PHF14: variants seen among roughly 807,000 people sequenced by gnomAD.
The protein encoded by PHF14 is PHD finger protein 14.
A neutral mutation model predicts 117.9 loss-of-function variants in PHF14; 55 were observed. That is an observed-to-expected ratio of 0.47 (90% CI 0.38 to 0.58). The LOEUF (loss-of-function observed/expected upper bound fraction) is 0.58. PHF14 is among the 20% of genes least tolerant of loss of function. The pLI is 0.00. For synonymous variants in PHF14, 409 were observed against 368.6 expected (o/e 1.11, Z -1.26); for missense variants, 978 against 1,122.2 (o/e 0.87, Z 1.84).
At chr7:11,166,805 G>T (rs973320247) in intron 17 of PHF14, among the ~76,000 whole-genome samples, 33 of 152,262 alleles carry the variant, frequency 2.2e-4, no homozygotes, top group South Asian at 1.2e-3. Context: ...TAAAAGGCAA[G>T]ATGTTTTAAG....
At chr7:10,996,975 G>C (rs896782668) in intron 4 of PHF14, among the ~76,000 whole-genome samples, 1 of 152,226 alleles carries the variant, frequency 6.6e-6, no homozygotes, top group Middle Eastern at 3.4e-3. Context: ...ATCACCAATG[G>C]GTGGCCAAAT....
At position 11,050,822 on chromosome 7, in the gene PHF14, A is replaced by G. The variant is rs969525377; in HGVS notation, c.2313-790A>G. On this transcript the variant is annotated intron_variant, in intron 13 of 17. Coordinates refer to ENST00000634607, the MANE Select transcript of PHF14 (RefSeq NM_001007157.2). ...GTATATTTCTTCTTTTAGAAGTAGT[A>G]GGGGCCACCAAATAATATGACCTTT... is the stretch of plus-strand genomic sequence containing the variant. Among the ~76,000 whole-genome samples, 10 of 152,300 alleles carry G rather than the reference A, an allele frequency of 6.6e-5. No homozygotes were observed. The East Asian group carries it at 1.7e-3, about 26-fold the overall frequency.
At chr7:10,982,345 G>T (rs779557530) in intron 2 of PHF14, 27 bp from the exon 3 acceptor site, 101 of 1,316,904 alleles carry the variant, frequency 7.7e-5, no homozygotes, top group Non-Finnish European at 8.8e-5. Context: ...CATATGTGTG[G>T]TTTTTTTTTT....
intron 17 of PHF14, among the ~76,000 whole-genome samples, chr7:11,150,233 C>T (rs540432073): frequency 1.4e-4 from 21 of 152,036 alleles, no homozygotes; most frequent in Non-Finnish European, 2.4e-4. Context: ...AGCTACAATA[C>T]GCATTAGAAT....
At chr7:11,076,810 C>A (rs562492793) in intron 16 of PHF14, among the ~76,000 whole-genome samples, 1 of 151,238 alleles carries the variant, frequency 6.6e-6, no homozygotes, top group Non-Finnish European at 1.5e-5. Context: ...TCAAGCAATC[C>A]GCCTGCCTTG....
intron 17 of PHF14, among the ~76,000 whole-genome samples, chr7:11,159,907 TA>T (rs1183391858): frequency 6.6e-6 from 1 of 152,176 alleles, no homozygotes; most frequent in Admixed American, 6.5e-5. Context: ...ATCAACTTAA[TA>T]AAAAGGTTTT....
intron 4 of PHF14, among the ~76,000 whole-genome samples, chr7:11,004,162 G>C (rs796262051): frequency 6.7e-6 from 1 of 148,724 alleles, no homozygotes; most frequent in African/African-American, 2.5e-5. Flanking sequence ...GCAGAGGATC[G>C]CTTGAGCCAG....
intron 6 of PHF14, among the ~76,000 whole-genome samples, chr7:11,024,737 C>T (rs1479289215): frequency 6.6e-6 from 1 of 152,178 alleles, no homozygotes; most frequent in African/African-American, 2.4e-5. Context: ...AGATTCCTTT[C>T]AAAAGATTAC....
At chr7:11,054,493 G>T (rs1359641170) in intron 14 of PHF14, among the ~76,000 whole-genome samples, 2 of 152,042 alleles carry the variant, frequency 1.3e-5, no homozygotes, top group African/African-American at 4.8e-5. Flanking sequence ...GATACAGAAG[G>T]GAGTGATCAG....
chr7:11,004,263 A>G (rs1024032443), intron 4 of PHF14, among the ~76,000 whole-genome samples: 4 of 150,144 alleles, frequency 2.7e-5, no homozygotes, highest in African/African-American at 9.7e-5. Context: ...AAAAAAAAAA[A>G]AAAAAAGAAA....
Position 11,103,187 on chromosome 7 carries a change from G to A in PHF14, c.2655-8163G>A, listed in dbSNP as rs921669676. 58 of 973,460 alleles carry A rather than the reference G, an allele frequency of 6.0e-5. 1 individual carries two copies. The African/African-American group carries it at 8.4e-4, about 14-fold the overall frequency. The allele number at this position is 973,460 out of a possible 1,614,324, so 60.3% of individuals were successfully genotyped here. A position where few individuals can be genotyped will look rare whatever the true frequency, so the allele number is the denominator to read the frequency against. On this transcript the variant is annotated intron_variant, in intron 16 of 17. Transcript: ENST00000634607. ...TTGACTTATTAGTCCTAGTGTGAAA[G>A]CATTAATATTATTAGCATGAAATTT...
chr7:10,976,676 G>A (rs953705087), intron 2 of PHF14, among the ~76,000 whole-genome samples: 15 of 151,756 alleles, frequency 9.9e-5, no homozygotes, highest in African/African-American at 3.6e-4. Context: ...TTATGATATC[G>A]AGCTAAGTAG....
chr7:11,055,356 CT>C (rs1460738896), intron 14 of PHF14, among the ~76,000 whole-genome samples: 1 of 152,126 alleles, frequency 6.6e-6, no homozygotes, highest in East Asian at 1.9e-4. Flanking sequence ...CATGTAGTGA[CT>C]TTTCATCTTT....
intron 17 of PHF14, among the ~76,000 whole-genome samples, chr7:11,131,263 G>A (rs900737954): frequency 2.0e-5 from 3 of 151,834 alleles, no homozygotes; most frequent in African/African-American, 7.3e-5. Context: ...CAAAATGGCA[G>A]TACCATTTTG....
intron 13 of PHF14, among the ~76,000 whole-genome samples, chr7:11,044,115 C>T (rs1784586694): frequency 6.6e-6 from 1 of 151,982 alleles, no homozygotes; most frequent in Non-Finnish European, 1.5e-5. Flanking sequence ...TTCTCACTTA[C>T]AGGTGGAAGC....
chr7:11,077,471 C>T (rs772581763), intron 16 of PHF14, among the ~76,000 whole-genome samples: 5 of 151,512 alleles, frequency 3.3e-5, no homozygotes, highest in Non-Finnish European at 5.9e-5. Flanking sequence ...TGTGGTGGCA[C>T]GCGCCTGTAG....
At position 11,061,823 on chromosome 7, in the gene PHF14, T is replaced by C; in HGVS notation, c.2514T>C (p.Pro838=). ...GAGGACGAAAACGAAGCTTCGTTCCTGAGGAAGAAAAACATGAGGTTGGAA... is the reference window on the plus strand; with the variant it reads ...GAGGACGAAAACGAAGCTTCGTTCCCGAGGAAGAAAAACATGAGGTTGGAA... ...RTRGRKRSFV[P]EEEKHEERVP... The change falls in exon 15 of 18, where the codon CCT becomes CCC. Residue 838 remains proline (P), a synonymous_variant. Coordinates refer to ENST00000634607, the MANE Select transcript of PHF14 (RefSeq NM_001007157.2). 1 of 1,526,830 alleles carries C rather than the reference T, an allele frequency of 6.5e-7. No individual in the cohort carries two copies. The highest frequency in any genetic ancestry group is 8.8e-7 in the Non-Finnish European group (1 of 1,137,828). 94.6% of individuals were successfully genotyped at this position (1,526,830 alleles called of 1,614,324 possible). A position where few individuals can be genotyped will look rare whatever the true frequency, so the allele number is the denominator to read the frequency against.
chr7:11,021,695 A>G (rs186776129), intron 5 of PHF14, among the ~76,000 whole-genome samples: 2 of 152,170 alleles, frequency 1.3e-5, no homozygotes, highest in African/African-American at 4.8e-5. Flanking sequence ...CTTGTTGAAG[A>G]TGTGTATCTT....
chr7:11,028,526 CT>C (rs1471771540), intron 6 of PHF14, among the ~76,000 whole-genome samples, 154 bp from the exon 7 acceptor site: 5 of 151,998 alleles, frequency 3.3e-5, no homozygotes, highest in African/African-American at 4.8e-5. Flanking sequence ...CATATAAACT[CT>C]TGGCTCGCCT....
Sources: gnomAD v4.1 joint callset for allele counts (sites outside exome capture counted in the v4.1 genomes callset) on GRCh38, gnomAD v4.1.1 for gene constraint, MANE v1.5 for transcripts, NCBI Gene and HGNC (gene_info 2026-07-23, HGNC 2026-07-21) for gene names.